The following SCP2 variants were observed in gnomAD, a reference collection of about 807,000 sequenced individuals.
SCP2 encodes SCP-2/3-oxoacyl-CoA thiolase.
A neutral mutation model predicts 71.4 loss-of-function variants in SCP2; 48 were observed. The ratio of observed to expected loss-of-function variants is 0.67; its 90% CI spans 0.53 to 0.86. The LOEUF (loss-of-function observed/expected upper bound fraction) is 0.86, where lower values mean the gene tolerates loss of function less well. Among genes scored for constraint, SCP2 ranks in the 40% least tolerant of loss-of-function variants. The pLI, the probability that SCP2 is intolerant of heterozygous loss-of-function variation, is 0.00. For synonymous variants in SCP2, 220 were observed against 218.1 expected, an observed-to-expected ratio of 1.01 and a Z score of -0.08; for missense variants, 560 against 655.6, an observed-to-expected ratio of 0.85 and a Z score of 1.59.
Position 52,954,756 on chromosome 1 carries a change from C to T in SCP2, c.348C>T (p.Val116=), listed in dbSNP as rs202234745. 200 of 1,613,684 alleles carry T rather than the reference C, an allele frequency of 1.2e-4. 1 individual carries two copies. The Middle Eastern group carries it at 2.5e-3, about 20-fold the overall frequency. Residue 116 remains valine (V), a synonymous_variant, in exon 5 of 16, where the codon GTC becomes GTT. Transcript: ENST00000371514. ...QLIQGGVAEC[V]LALGFEKMSK... is the part of the protein sequence containing the mutation. ...TCCTTTAAGGTGTGGCAGAATGTGT[C>T]TTGGCTCTTGGGTTTGAGAAGATGA...
chr1:52,944,236 A>T (rs1416108548), intron 2 of SCP2, among the ~76,000 whole-genome samples: 4 of 152,202 alleles, frequency 2.6e-5, no homozygotes, highest in Non-Finnish European at 4.4e-5. Context: ...TACTGTGTTT[A>T]TTCCTTAGAT....
chr1:52,975,100 G>A (rs1453381131), intron 7 of SCP2, among the ~76,000 whole-genome samples: 1 of 151,806 alleles, frequency 6.6e-6, no homozygotes, highest in Non-Finnish European at 1.5e-5. Context: ...CCAGGCTGGA[G>A]TGCAGTGGCG....
chr1:52,966,298 T>A (rs1326064422), intron 6 of SCP2, among the ~76,000 whole-genome samples: 1 of 151,976 alleles, frequency 6.6e-6, no homozygotes, highest in African/African-American at 2.4e-5. Context: ...TTCTTGAGTT[T>A]TTTTTTTTCC....
chr1:52,931,443 G>T (rs972646244), intron 1 of SCP2, among the ~76,000 whole-genome samples: 2 of 152,150 alleles, frequency 1.3e-5, no homozygotes, highest in Non-Finnish European at 2.9e-5. Flanking sequence ...TTTCTCTGGG[G>T]AAACTGAACA....
chr1:53,041,276 C>A (rs988931424), intron 14 of SCP2, among the ~76,000 whole-genome samples: 6 of 151,950 alleles, frequency 3.9e-5, no homozygotes, highest in African/African-American at 1.5e-4. Flanking sequence ...GTGGTGCGTG[C>A]CTGTAATCCC....
intron 5 of SCP2, among the ~76,000 whole-genome samples, chr1:52,956,089 A>G (rs946854917): frequency 6.6e-5 from 10 of 152,198 alleles, no homozygotes; most frequent in African/African-American, 2.4e-4. Flanking sequence ...GGATCACTTG[A>G]GGCCAGAAGT....
chr1:53,016,933 T>G (rs1006688125), intron 12 of SCP2, among the ~76,000 whole-genome samples: 1 of 152,128 alleles, frequency 6.6e-6, no homozygotes, highest in Non-Finnish European at 1.5e-5. Flanking sequence ...TGTAGGAGTG[T>G]GGAGGAGAAA....
intron 11 of SCP2, among the ~76,000 whole-genome samples, chr1:52,992,924 T>C (rs1321216015): frequency 6.6e-6 from 1 of 152,210 alleles, no homozygotes; most frequent in Non-Finnish European, 1.5e-5. Context: ...TATTAAAATG[T>C]AAGCACTTAA....
At chr1:52,942,111 A>T (rs931230754) in intron 2 of SCP2, among the ~76,000 whole-genome samples, 2 of 152,152 alleles carry the variant, frequency 1.3e-5, no homozygotes, top group Non-Finnish European at 2.9e-5. Context: ...GATCTGTGGG[A>T]GAGAGAGGTA....
chr1:53,049,096 G>A (rs770138004), intron 15 of SCP2: 7 of 152,158 alleles, frequency 4.6e-5, no homozygotes, highest in Non-Finnish European at 7.3e-5. Context: ...CACACCATTG[G>A]CACTGACATT....
chr1:52,982,118 A>G (rs1658557105), intron 10 of SCP2, among the ~76,000 whole-genome samples: 1 of 151,930 alleles, frequency 6.6e-6, no homozygotes, highest in African/African-American at 2.4e-5. Context: ...CACTATTGAC[A>G]TTTGAGCTCT....
At chr1:53,014,745 C>T in intron 11 of SCP2, 145 bp from the exon 12 acceptor site, 1 of 851,274 alleles carries the variant, frequency 1.2e-6, no homozygotes. Context: ...AGCTGCAAAA[C>T]CCTTCGGTGT....
intron 2 of SCP2, among the ~76,000 whole-genome samples, chr1:52,946,687 A>G (rs1287573523): frequency 6.6e-6 from 1 of 151,982 alleles, no homozygotes; most frequent in Non-Finnish European, 1.5e-5. Context: ...CAATTACTTC[A>G]TAAATTATAA....
chr1:52,968,948 T>C (rs1026523109), intron 6 of SCP2, among the ~76,000 whole-genome samples: 1 of 152,124 alleles, frequency 6.6e-6, no homozygotes, highest in Non-Finnish European at 1.5e-5. Context: ...AAGAAAATGT[T>C]ATTAAAATCA....
intron 14 of SCP2, among the ~76,000 whole-genome samples, chr1:53,044,728 T>C (rs186440961): frequency 7.9e-5 from 12 of 152,352 alleles, no homozygotes; most frequent in East Asian, 5.8e-4. Flanking sequence ...ATTAATTGAT[T>C]GCCTAAAACG....
chr1:53,035,764 G>A (rs1662881800), intron 13 of SCP2, among the ~76,000 whole-genome samples: 1 of 152,188 alleles, frequency 6.6e-6, no homozygotes. Context: ...AGTACTCTGT[G>A]TGTTGTGGGT....
chr1:53,023,368 T>C (rs554728103), intron 12 of SCP2, among the ~76,000 whole-genome samples: 4 of 152,292 alleles, frequency 2.6e-5, no homozygotes, highest in African/African-American at 9.6e-5. Context: ...TAGCTGTGGC[T>C]ACTTGATTTT....
intron 12 of SCP2, among the ~76,000 whole-genome samples, chr1:53,026,941 C>CTTT (rs758073714): frequency 0.047 from 6,346 of 133,896 alleles, 278 homozygotes; most frequent in East Asian, 0.19. Context: ...AACTGCTGCA[C>CTTT]TTTTTTTTTT....
chr1:52,996,749 C>T (rs965938301), intron 11 of SCP2, among the ~76,000 whole-genome samples: 5 of 152,264 alleles, frequency 3.3e-5, no homozygotes, highest in Middle Eastern at 3.4e-3. Flanking sequence ...CAGAAATGCC[C>T]TCCTAATCTC....
Sources: allele counts gnomAD v4.1 joint callset (sites outside exome capture counted in the v4.1 genomes callset), GRCh38; gene constraint gnomAD v4.1.1; transcripts MANE v1.5; gene names NCBI Gene and HGNC (gene_info 2026-07-23, HGNC 2026-07-21).